LMBR1L: variants seen among roughly 807,000 people sequenced by gnomAD.
The protein encoded by LMBR1L is limb development membrane protein 1 like.
In LMBR1L, 47 loss-of-function variants were observed where a neutral mutation model predicts 67.3. That is an observed-to-expected ratio of 0.70 (90% CI 0.55 to 0.89). The LOEUF (loss-of-function observed/expected upper bound fraction) is 0.89. Ranked by LOEUF, LMBR1L falls within the 40% of genes least tolerant of loss-of-function variation. The pLI is 0.00. For synonymous variants in LMBR1L, 247 were observed against 250.3 expected, an observed-to-expected ratio of 0.99 and a Z score of 0.13; for missense variants, 533 against 599.2, an observed-to-expected ratio of 0.89 and a Z score of 1.15.
chr12:49,110,482 A>C lies in LMBR1L; in HGVS notation c.72+2T>G, dbSNP rs767874929. On this transcript the variant is annotated splice_donor_variant, in intron 1 of 16. Coordinates refer to ENST00000267102, the MANE Select transcript of LMBR1L (RefSeq NM_018113.4). LOFTEE classifies it high-confidence loss of function. Reference sequence around the variant, plus strand: ...TTCTCCTCGCCGGGGCCCCGCACTCACAATACACTCGCGGATCCTCTCGTG... The same window carrying C: ...TTCTCCTCGCCGGGGCCCCGCACTCCCAATACACTCGCGGATCCTCTCGTG... 1 of 1,613,686 alleles carries C rather than the reference A, an allele frequency of 6.2e-7. No homozygotes were observed. The highest frequency in any genetic ancestry group is 8.5e-7 in the Non-Finnish European group (1 of 1,179,802).
Position 49,102,677 on chromosome 12 carries a change from C to CT in LMBR1L, c.697-138dup, listed in dbSNP as rs1263313617. ...TCATTCACCACCCTGTGGCCCGCAG[C>CT]TTTGCTCAGTCCCTCCCAATTGCCC... On this transcript the variant is annotated intron_variant, in intron 8 of 16. Transcript: ENST00000267102. 1.9e-5 allele frequency: 18 copies of CT among 971,072 alleles called. No individual in the cohort carries two copies. The East Asian group carries it at 4.7e-4, about 25-fold the overall frequency. The allele number at this position is 971,072 out of a possible 1,614,324, so 60.2% of individuals were successfully genotyped here. A position where few individuals can be genotyped will look rare whatever the true frequency, so the allele number is the denominator to read the frequency against.
chr12:49,099,486 C>T (rs1038058171), intron 15 of LMBR1L, among the ~76,000 whole-genome samples: 1 of 151,828 alleles, frequency 6.6e-6, no homozygotes, highest in South Asian at 2.1e-4. Context: ...ATATAAAATA[C>T]AGAGGATGAT....
intron 1 of LMBR1L, chr12:49,109,842 T>G: frequency 2.4e-6 from 1 of 419,488 alleles, no homozygotes; most frequent in South Asian, 1.7e-5. Flanking sequence ...GACCACTCAC[T>G]GGGGAAACCC....
Position 49,103,729 on chromosome 12 carries a change from C to T in LMBR1L, c.520G>A (p.Ala174Thr), listed in dbSNP as rs1290951473. The T allele has an allele frequency of 6.2e-7, 1 of 1,614,130 alleles. No homozygotes were observed. The highest frequency in any genetic ancestry group is 8.5e-7 in the Non-Finnish European group (1 of 1,180,010). ...LVLGMVWVASAIVDKNKANRE... is the reference protein window; with the variant it reads ...LVLGMVWVASTIVDKNKANRE... ...TTGGCCTTGTTCTTGTCCACAATGGCTGATGCCACCCACACCATACCTAGC... is the reference window on the plus strand; with the variant it reads ...TTGGCCTTGTTCTTGTCCACAATGGTTGATGCCACCCACACCATACCTAGC... The change falls in exon 6 of 17, where the codon GCC (alanine) becomes ACC (threonine). Residue 174 changes from alanine to threonine, a missense_variant. This residue lies in a region of LMBR1L where 246 missense variants were observed against 249.0 expected (regional missense o/e 0.99). Coordinates refer to ENST00000267102, the MANE Select transcript of LMBR1L (RefSeq NM_018113.4).
Position 49,104,774 on chromosome 12 carries a change from G to A in LMBR1L, c.303C>T (p.Ile101=), listed in dbSNP as rs765705161. 1.7e-5 allele frequency: 28 copies of A among 1,613,640 alleles called. No homozygotes were observed. In the South Asian group the frequency reaches 2.7e-4, roughly 16 times the overall value. The change falls in exon 4 of 17, where the codon ATC becomes ATT. Residue 101 remains isoleucine (I), a synonymous_variant. Coordinates refer to ENST00000267102, the MANE Select transcript of LMBR1L (RefSeq NM_018113.4). ...GGATGAGGGAGCCGTTGAGCCACTG[G>A]ATGTAGTAGTTCCGAGGCAGGGAGA... ...VLLSLPRNYY[I]QWLNGSLIHG...
intron 5 of LMBR1L, chr12:49,104,167 C>T (rs1035436192): frequency 6.0e-6 from 3 of 498,036 alleles, no homozygotes; most frequent in Non-Finnish European, 1.1e-5. Context: ...TGTGAGTCCT[C>T]CCACGTCTGC....
intron 3 of LMBR1L, 125 bp downstream of exon 3, chr12:49,105,799 G>T: frequency 1.4e-6 from 1 of 726,126 alleles, no homozygotes; most frequent in Admixed American, 3.0e-5. Flanking sequence ...AGCCAGAAAT[G>T]GGGTGGAAAC....
chr12:49,104,473 G>C lies in LMBR1L; in HGVS notation c.410C>G (p.Ser137Cys). 1 of 1,613,514 alleles carries C rather than the reference G, an allele frequency of 6.2e-7. No individual in the cohort carries two copies. Among genetic ancestry groups the C allele is most frequent in the Non-Finnish European group, 8.5e-7 (1 of 1,179,486 alleles). ...LMPFAYFFTESEGFAGSRKGV... is the reference protein window; with the variant it reads ...LMPFAYFFTECEGFAGSRKGV... ...CTTTCTGGAGCCAGCAAAGCCCTCA[G>C]ACTCAGTGAAGAAATATGCAAAGGG... The change falls in exon 5 of 17, where the codon TCT (serine) becomes TGT (cysteine). Residue 137 changes from serine (S) to cysteine (C), a missense_variant. Ser to Cys is a moderately radical substitution (Grantham distance 112, BLOSUM62 -1). This residue lies in a region of LMBR1L where 246 missense variants were observed against 249.0 expected (regional missense o/e 0.99). Transcript: ENST00000267102.
chr12:49,100,470 G>A lies in LMBR1L; in HGVS notation c.1174-16C>T. ...TCCCAATTATCTGGGTGGAAGCAGGGAAAGGAGAGGTGAGGGTGGAAGAGC... is the reference window on the plus strand; with the variant it reads ...TCCCAATTATCTGGGTGGAAGCAGGAAAAGGAGAGGTGAGGGTGGAAGAGC... On this transcript the variant is annotated splice_polypyrimidine_tract_variant and intron_variant, in intron 14 of 16. Transcript: ENST00000267102. 1.2e-6 allele frequency: 2 copies of A among 1,613,178 alleles called. No homozygotes were observed. Among genetic ancestry groups the A allele is most frequent in the Non-Finnish European group, 1.7e-6 (2 of 1,179,052 alleles).
rs1194502840 is a variant in LMBR1L, at chr12:49,102,349, T to C, written c.797A>G (p.Asp266Gly). Residue 266 changes from aspartate to glycine, a missense_variant, in exon 10 of 17, where the codon GAC (aspartate) becomes GGC (glycine). Asp to Gly is a moderately conservative substitution (Grantham distance 94). Coordinates refer to ENST00000267102, the MANE Select transcript of LMBR1L (RefSeq NM_018113.4). ...GACCTGTCTGTGTAGCAGCTCCATGTCTAAAGGCAGCCAGCAGGAAGTAGG... is the reference window on the plus strand; with the variant it reads ...GACCTGTCTGTGTAGCAGCTCCATGCCTAAAGGCAGCCAGCAGGAAGTAGG... ...CNPTSCWLPL[D>G]MELLHRQVLA... 3 of 1,614,064 alleles carry C rather than the reference T, an allele frequency of 1.9e-6. No homozygotes were observed. Among genetic ancestry groups the C allele is most frequent in the Non-Finnish European group, 2.5e-6 (3 of 1,180,032 alleles).
At chr12:49,109,805 G>A (rs765574296) in intron 1 of LMBR1L, 15 of 450,836 alleles carry the variant, frequency 3.3e-5, no homozygotes, top group Non-Finnish European at 5.8e-5. Flanking sequence ...AGGAACAGCA[G>A]CCAGGTACCC....
intron 3 of LMBR1L, 52 bp from the exon 4 acceptor site, chr12:49,104,937 G>C (rs770937542): frequency 6.4e-6 from 10 of 1,562,856 alleles, no homozygotes; most frequent in Non-Finnish European, 7.8e-6. Context: ...TCACTACCCT[G>C]TGCTGAAGAA....
At chr12:49,098,197 C>T in intron 15 of LMBR1L, 92 bp from the exon 16 acceptor site, 1 of 1,313,470 alleles carries the variant, frequency 7.6e-7, no homozygotes, top group Non-Finnish European at 1.1e-6. Flanking sequence ...GGCCACATTT[C>T]AACACTGCAA....
At chr12:49,106,591 C>G (rs1940934937) in intron 2 of LMBR1L, 1 of 1,321,240 alleles carries the variant, frequency 7.6e-7, no homozygotes, top group Non-Finnish European at 1.0e-6. Context: ...GCTGTGGAAG[C>G]ACTAGGAGAG....
In LMBR1L at chr12:49,110,741, C is replaced by T; in HGVS notation, c.-186G>A. 3.3e-6 allele frequency: 2 copies of T among 602,392 alleles called. No individual in the cohort carries two copies. 37.3% of individuals were successfully genotyped at this position (602,392 alleles called of 1,614,324 possible). ...GACGCCCCGCCCTTAAAGGGGCAGG[C>T]ACCACCCGCCTCGTTTTAAAGGGCT... On this transcript the variant is annotated 5_prime_UTR_variant, in exon 1 of 17. Coordinates refer to ENST00000267102, the MANE Select transcript of LMBR1L (RefSeq NM_018113.4).
chr12:49,099,935 GGAGT>G (rs1939918528), intron 15 of LMBR1L, among the ~76,000 whole-genome samples: 1 of 152,222 alleles, frequency 6.6e-6, no homozygotes, highest in Admixed American at 6.5e-5. Context: ...GGCAGGAGAA[GGAGT>G]GAGTTTATTA....
intron 1 of LMBR1L, among the ~76,000 whole-genome samples, chr12:49,107,523 C>T (rs913867639): frequency 2.6e-5 from 4 of 152,244 alleles, no homozygotes; most frequent in Admixed American, 2.0e-4. Flanking sequence ...TCCATGCACA[C>T]TGCTGCCTTG....
In LMBR1L at chr12:49,104,440, C is replaced by G; in HGVS notation, c.435+8G>C. The G allele has an allele frequency of 1.3e-6, 2 of 1,582,476 alleles. No individual in the cohort carries two copies. The highest frequency in any genetic ancestry group is 1.7e-6 in the Non-Finnish European group (2 of 1,151,512). On this transcript the variant is annotated splice_region_variant and intron_variant, in intron 5 of 16. Transcript: ENST00000267102. ...CGTTTCCTGCCTGGATACATATCCC[C>G]TACTTACCTTTCTGGAGCCAGCAAA... is the stretch of plus-strand genomic sequence containing the variant.
chr12:49,103,498 A>G (rs559046694), intron 6 of LMBR1L, among the ~76,000 whole-genome samples, 189 bp downstream of exon 6: 15 of 152,344 alleles, frequency 9.8e-5, no homozygotes, highest in Admixed American at 3.9e-4. Context: ...ATATATTTTT[A>G]AAACCATTGC....
Sources: allele counts gnomAD v4.1 joint callset (sites outside exome capture counted in the v4.1 genomes callset), GRCh38; gene constraint gnomAD v4.1.1; regional missense constraint gnomAD v4.1.1; transcripts MANE v1.5; gene names NCBI Gene and HGNC (gene_info 2026-07-23, HGNC 2026-07-21).